The following IGFBP7 variants were observed in gnomAD, a reference collection of about 807,000 sequenced individuals.
The protein encoded by IGFBP7 is insulin like growth factor binding protein 7.
A neutral mutation model predicts 29.4 loss-of-function variants in IGFBP7; 31 were observed. That is an observed-to-expected ratio of 1.05 (90% CI 0.79 to 1.42). The LOEUF is 1.42. IGFBP7 is among the 40% of genes most tolerant of loss of function. IGFBP7 has a pLI of 0.00. For missense variants in IGFBP7, 393 were observed against 395.5 expected, an observed-to-expected ratio of 0.99 and a Z score of 0.05; for synonymous variants, 172 against 174.9, an observed-to-expected ratio of 0.98 and a Z score of 0.13.
At chr4:57,084,786 A>AG (rs879601250) in intron 1 of IGFBP7, among the ~76,000 whole-genome samples, 2 of 111,010 alleles carry the variant, frequency 1.8e-5, no homozygotes, top group African/African-American at 3.0e-5. Context: ...TGTTTAAAAA[A>AG]GGTTTTTTTT....
chr4:57,074,544 G>C (rs1725175371), intron 1 of IGFBP7, among the ~76,000 whole-genome samples: 3 of 152,188 alleles, frequency 2.0e-5, no homozygotes, highest in Admixed American at 2.0e-4. Flanking sequence ...ACACAAAAGA[G>C]TCTCCAGCCT....
At chr4:57,071,387 T>A (rs1404998281) in intron 1 of IGFBP7, among the ~76,000 whole-genome samples, 1 of 152,218 alleles carries the variant, frequency 6.6e-6, no homozygotes, top group African/African-American at 2.4e-5. Flanking sequence ...TATTTGGGGC[T>A]TTTACATCTG....
At chr4:57,035,883 A>G (rs565566159) in intron 2 of IGFBP7, among the ~76,000 whole-genome samples, 3 of 152,358 alleles carry the variant, frequency 2.0e-5, no homozygotes, top group Admixed American at 6.5e-5. Flanking sequence ...GTGAATTACT[A>G]CAATCTATTT....
At chr4:57,040,585 T>G (rs1333728501) in intron 2 of IGFBP7, among the ~76,000 whole-genome samples, 1 of 152,184 alleles carries the variant, frequency 6.6e-6, no homozygotes, top group Non-Finnish European at 1.5e-5. Flanking sequence ...TGGGTTCAGG[T>G]GTTCAGCATT....
At chr4:57,032,042 T>G (rs1723944781) in intron 4 of IGFBP7, 1 of 196,840 alleles carries the variant, frequency 5.1e-6, no homozygotes, top group South Asian at 1.0e-4. Context: ...CCTTTTCTTT[T>G]AAAAGCAAAA....
chr4:57,085,299 C>G (rs1480332221), intron 1 of IGFBP7, among the ~76,000 whole-genome samples: 1 of 152,086 alleles, frequency 6.6e-6, no homozygotes, highest in Non-Finnish European at 1.5e-5. Flanking sequence ...TTCAGTGACT[C>G]CTGTTATCCG....
At chr4:57,057,292 G>C (rs1724697512) in intron 1 of IGFBP7, among the ~76,000 whole-genome samples, 2 of 152,202 alleles carry the variant, frequency 1.3e-5, no homozygotes. Flanking sequence ...TTACATGTGT[G>C]AGCCAGTGCA....
At chr4:57,096,463 A>T (rs947363474) in intron 1 of IGFBP7, among the ~76,000 whole-genome samples, 8 of 152,088 alleles carry the variant, frequency 5.3e-5, no homozygotes, top group Non-Finnish European at 8.8e-5. Context: ...AGTTTTAAAA[A>T]GTCCTGCTGC....
intron 1 of IGFBP7, among the ~76,000 whole-genome samples, chr4:57,048,816 T>C (rs1007886960): frequency 3.3e-5 from 5 of 152,186 alleles, no homozygotes; most frequent in African/African-American, 1.2e-4. Context: ...AAAAGCATTC[T>C]TGGGGACAGA....
chr4:57,039,122 G>A (rs1293033580), intron 2 of IGFBP7, among the ~76,000 whole-genome samples: 4 of 150,862 alleles, frequency 2.7e-5, no homozygotes, highest in African/African-American at 7.3e-5. Flanking sequence ...TAATTGTGAG[G>A]TGTTAGTTGA....
chr4:57,096,171 A>C (rs1482190268), intron 1 of IGFBP7, among the ~76,000 whole-genome samples: 1 of 151,144 alleles, frequency 6.6e-6, no homozygotes, highest in African/African-American at 2.4e-5. Flanking sequence ...GTCTGATTCA[A>C]ATAAGAGCTC....
intron 1 of IGFBP7, among the ~76,000 whole-genome samples, chr4:57,046,344 A>G (rs1724361406): frequency 6.6e-6 from 1 of 152,128 alleles, no homozygotes; most frequent in African/African-American, 2.4e-5. Flanking sequence ...CTACCTCAGG[A>G]GAGCACTGTA....
intron 1 of IGFBP7, among the ~76,000 whole-genome samples, chr4:57,041,496 C>T (rs1449804890): frequency 6.6e-6 from 1 of 151,996 alleles, no homozygotes; most frequent in South Asian, 2.1e-4. Flanking sequence ...GTGCTGTGTG[C>T]GTCAGGGGAT....
intron 2 of IGFBP7, 26 bp from the exon 3 acceptor site, chr4:57,033,337 C>T: frequency 6.8e-7 from 1 of 1,474,950 alleles, no homozygotes; most frequent in Non-Finnish European, 9.5e-7. Context: ...GAGAGTAATA[C>T]TGAGTTTTGT....
intron 1 of IGFBP7, among the ~76,000 whole-genome samples, chr4:57,060,940 G>A (rs935139032): frequency 6.6e-6 from 1 of 151,542 alleles, no homozygotes; most frequent in Non-Finnish European, 1.5e-5. Context: ...CCAGCTACTC[G>A]AGAGGCTGAG....
chr4:57,094,325 G>T (rs1357634960), intron 1 of IGFBP7, among the ~76,000 whole-genome samples: 2 of 152,186 alleles, frequency 1.3e-5, no homozygotes, highest in African/African-American at 4.8e-5. Context: ...GAGCCTACTT[G>T]CCAAGTGGAA....
At chr4:57,107,072 T>G (rs943771562) in intron 1 of IGFBP7, among the ~76,000 whole-genome samples, 3 of 152,164 alleles carry the variant, frequency 2.0e-5, no homozygotes, top group Non-Finnish European at 2.9e-5. Context: ...AGTGGTGATC[T>G]TAGAAAGGAG....
At chr4:57,106,125 C>G (rs1169207897) in intron 1 of IGFBP7, among the ~76,000 whole-genome samples, 1 of 152,076 alleles carries the variant, frequency 6.6e-6, no homozygotes. Flanking sequence ...CCAGGATGGT[C>G]TCGATCTCCT....
chr4:57,059,351 C>A (rs575341570), intron 1 of IGFBP7, among the ~76,000 whole-genome samples: 8 of 152,254 alleles, frequency 5.3e-5, no homozygotes, highest in Admixed American at 2.6e-4. Flanking sequence ...AACGTAAATG[C>A]CCATCAATGA....
Sources: allele counts gnomAD v4.1 joint callset (sites outside exome capture counted in the v4.1 genomes callset), GRCh38; gene constraint gnomAD v4.1.1; transcripts MANE v1.5; gene names NCBI Gene and HGNC (gene_info 2026-07-23, HGNC 2026-07-21).